PER3: variants seen among roughly 807,000 people sequenced by gnomAD.
PER3 encodes period circadian regulator 3, also known as period circadian protein homolog 3.
In PER3, 107 loss-of-function variants were observed where a neutral mutation model predicts 127.2. That is an observed-to-expected ratio of 0.84 (90% confidence interval 0.72 to 0.99). The LOEUF is 0.99. Among genes scored for constraint, PER3 ranks in the 50% least tolerant of loss-of-function variants. PER3 has a pLI of 0.00. For synonymous variants in PER3, 618 were observed against 585.8 expected, an observed-to-expected ratio of 1.05 and a Z score of -0.79; for missense variants, 1,560 against 1,525.8, an observed-to-expected ratio of 1.02 and a Z score of -0.37.
intron 19 of PER3, among the ~76,000 whole-genome samples, chr1:7,835,120 GA>G (rs1178867118): frequency 6.6e-6 from 1 of 152,176 alleles, no homozygotes; most frequent in Non-Finnish European, 1.5e-5. Flanking sequence ...TAGAGAGGTT[GA>G]AAATAGTCAT....
intron 5 of PER3, chr1:7,788,512 TTA>T: frequency 2.7e-6 from 1 of 365,134 alleles, no homozygotes; most frequent in South Asian, 5.4e-5. Context: ...GTATAGTGGT[TTA>T]GTTGCTATGA....
chr1:7,803,699 G>C lies in PER3; in HGVS notation c.987G>C (p.Lys329Asn). Residue 329 changes from lysine (K) to asparagine (N), a missense_variant, in exon 10 of 22, where the codon AAG (lysine) becomes AAC (asparagine). Lys to Asn is a moderately conservative substitution (Grantham distance 94). Coordinates refer to ENST00000377532, the MANE Select transcript of PER3 (RefSeq NM_001377275.1). ...LMVAIHQKVL[K>N]YAGHPPFEHS... ...TCTTATTATTTTATATAGTTTTGAA[G>C]TATGCAGGGCATCCTCCCTTTGAAC... 4 of 1,591,922 alleles carry C rather than the reference G, an allele frequency of 2.5e-6. No homozygotes were observed. The highest frequency in any genetic ancestry group is 2.6e-6 in the Non-Finnish European group (3 of 1,161,334).
At position 7,820,656 on chromosome 1, in the gene PER3, C is replaced by T. The variant is rs1339933088; in HGVS notation, c.1957+16C>T. 3.8e-6 allele frequency: 6 copies of T among 1,581,074 alleles called. No individual in the cohort carries two copies. The highest frequency in any genetic ancestry group is 1.8e-5 in the Admixed American group (1 of 54,432). ...CCAGAGACAGGTACCACACTCGCCTCTTACTTTGAAAATATACTCAACTTT... is the reference window on the plus strand; with the variant it reads ...CCAGAGACAGGTACCACACTCGCCTTTTACTTTGAAAATATACTCAACTTT... On this transcript the variant is annotated intron_variant, in intron 16 of 21. Transcript: ENST00000377532.
chr1:7,817,396 G>A (rs1194378424), intron 13 of PER3, among the ~76,000 whole-genome samples: 1 of 152,216 alleles, frequency 6.6e-6, no homozygotes, highest in Admixed American at 6.5e-5. Flanking sequence ...GGGGAAGAAC[G>A]GAGCTCAGTA....
At position 7,820,573 on chromosome 1, in the gene PER3, C is replaced by G; in HGVS notation, c.1890C>G (p.Ser630Arg). ...APQILSTAML[S>R]LGSGISQCGY... ...AGATCCTGTCCACGGCGATGCTGAG[C>G]TTGGGGTCGGGCATAAGCCAATGCG... The change falls in exon 16 of 22, where the codon AGC (serine) becomes AGG (arginine). Residue 630 changes from serine to arginine, a missense_variant. Ser to Arg is a moderately radical substitution (Grantham distance 110). This residue lies in a region of PER3 where 1,332 missense variants were observed against 1,223.6 expected (regional missense o/e 1.09). Coordinates refer to ENST00000377532, the MANE Select transcript of PER3 (RefSeq NM_001377275.1). 6.2e-7 allele frequency: 1 copy of G among 1,614,158 alleles called. No individual in the cohort carries two copies. The highest frequency in any genetic ancestry group is 8.5e-7 in the Non-Finnish European group (1 of 1,180,004).
intron 19 of PER3, 42 bp downstream of exon 19, chr1:7,830,203 G>C (rs756716725): frequency 1.4e-5 from 22 of 1,539,908 alleles, no homozygotes; most frequent in Non-Finnish European, 1.9e-5. Context: ...TCCAATGCCA[G>C]ACATTCACTA....
chr1:7,806,095 C>G (rs1247006517), intron 10 of PER3, among the ~76,000 whole-genome samples: 2 of 152,136 alleles, frequency 1.3e-5, no homozygotes, highest in East Asian at 3.8e-4. Flanking sequence ...AGGAAACCCA[C>G]ACTGTAATGG....
intron 10 of PER3, among the ~76,000 whole-genome samples, chr1:7,804,311 CTTTTT>C (rs79813451): frequency 5.0e-5 from 6 of 120,462 alleles, no homozygotes; most frequent in Admixed American, 4.1e-4. Context: ...TTCTTTCTTT[CTTTTT>C]TTTTTTTTTT....
chr1:7,789,140 A>AATATATATATATATATATAT (rs59535110), intron 5 of PER3, among the ~76,000 whole-genome samples: 22 of 133,156 alleles, frequency 1.7e-4, no homozygotes, highest in Non-Finnish European at 2.5e-4. Flanking sequence ...AGAGCTTTAA[A>AATATATATATATATATATAT]ATATATATAT....
intron 2 of PER3, 59 bp from the exon 3 acceptor site, chr1:7,785,382 A>T: frequency 1.4e-6 from 2 of 1,398,950 alleles, no homozygotes; most frequent in Admixed American, 3.5e-5. Context: ...TGTGTTCCCT[A>T]AGCCGCAAGA....
intron 8 of PER3, among the ~76,000 whole-genome samples, chr1:7,801,985 T>C (rs1040580422): frequency 4.6e-5 from 7 of 152,238 alleles, no homozygotes; most frequent in African/African-American, 1.7e-4. Context: ...TCAGTGTATT[T>C]GATAATGTCT....
rs920315379 is a variant in PER3, at chr1:7,827,887, G to T, written c.2886+72G>T. Reference sequence around the variant, plus strand: ...TACTAAAGTTAAGGTGGTTGCGTTGGGACTCAGTGCTGACATTCTCAGTAG... The same window carrying T: ...TACTAAAGTTAAGGTGGTTGCGTTGTGACTCAGTGCTGACATTCTCAGTAG... On this transcript the variant is annotated intron_variant, in intron 18 of 21. Transcript: ENST00000377532. 18 of 1,197,928 alleles carry T rather than the reference G, an allele frequency of 1.5e-5. No individual in the cohort carries two copies. In the African/African-American group the frequency reaches 2.6e-4, roughly 17 times the overall value. The allele number at this position is 1,197,928 out of a possible 1,614,324, so 74.2% of individuals were successfully genotyped here.
chr1:7,838,167 C>T (rs1022022141), intron 21 of PER3, among the ~76,000 whole-genome samples: 2 of 151,644 alleles, frequency 1.3e-5, no homozygotes, highest in Admixed American at 6.6e-5. Flanking sequence ...AATCCTACTA[C>T]CCCCTCTTTT....
chr1:7,785,985 G>A (rs750844639), intron 3 of PER3, among the ~76,000 whole-genome samples: 1 of 152,172 alleles, frequency 6.6e-6, no homozygotes, highest in African/African-American at 2.4e-5. Flanking sequence ...GGCTGGGCGC[G>A]GTGCCTCACG....
intron 13 of PER3, among the ~76,000 whole-genome samples, chr1:7,812,393 G>A (rs228672): frequency 0.23 from 35,520 of 151,564 alleles, 4,693 homozygotes; most frequent in Non-Finnish European, 0.29. Context: ...TTGGGAGCCC[G>A]AGGTGGGCAG....
chr1:7,812,620 G>C (rs539023261), intron 13 of PER3, among the ~76,000 whole-genome samples: 1 of 41,490 alleles, frequency 2.4e-5, no homozygotes, highest in African/African-American at 8.5e-5. Flanking sequence ...GCAAGACTCC[G>C]TCTCAAAAAA....
chr1:7,840,519 CT>C (rs2097380947), intron 21 of PER3, among the ~76,000 whole-genome samples: 2 of 152,092 alleles, frequency 1.3e-5, no homozygotes, highest in South Asian at 2.1e-4. Context: ...AGTTTTGCCA[CT>C]TTGCCCAGGC....
chr1:7,785,555 C>G lies in PER3; in HGVS notation c.243C>G (p.Asn81Lys). 6.2e-7 allele frequency: 1 copy of G among 1,613,750 alleles called. No homozygotes were observed. Among genetic ancestry groups the G allele is most frequent in the Non-Finnish European group, 8.5e-7 (1 of 1,179,770 alleles). The change falls in exon 3 of 22, where the codon AAC (asparagine) becomes AAG (lysine). Residue 81 changes from asparagine (N) to lysine (K), a missense_variant. By Grantham distance (94) the Asn-to-Lys change is moderately conservative (BLOSUM62 0). This residue lies in a region of PER3 where 1,332 missense variants were observed against 1,223.6 expected (regional missense o/e 1.09). Coordinates refer to ENST00000377532, the MANE Select transcript of PER3 (RefSeq NM_001377275.1). ...RNKPSTLDAL[N>K]YALRCVHSVQ... ...AACCAAGCACTCTAGATGCCCTCAA[C>G]TATGCTCTCCGCTGTGTCCACAGCG...
chr1:7,812,003 C>T (rs2097221057), intron 13 of PER3, among the ~76,000 whole-genome samples: 1 of 152,120 alleles, frequency 6.6e-6, no homozygotes, highest in African/African-American at 2.4e-5. Context: ...ATCTTAAATA[C>T]AATTTTTACT....
Sources: allele counts gnomAD v4.1 joint callset (sites outside exome capture counted in the v4.1 genomes callset), GRCh38; gene constraint gnomAD v4.1.1; regional missense constraint gnomAD v4.1.1; transcripts MANE v1.5; gene names NCBI Gene and HGNC (gene_info 2026-07-23, HGNC 2026-07-21).